GPHN: variants seen among roughly 807,000 people sequenced by gnomAD.
The protein encoded by GPHN is gephyrin.
In GPHN, 17 loss-of-function variants were observed where a neutral mutation model predicts 95.5. That is an observed-to-expected ratio of 0.18 (90% CI 0.12 to 0.27). The LOEUF (loss-of-function observed/expected upper bound fraction) is 0.27, where lower values mean the gene tolerates loss of function less well. GPHN is among the 10% of genes least tolerant of loss of function. GPHN has a pLI of 1.00. For missense variants in GPHN, 660 were observed against 978.1 expected (o/e 0.67, Z 4.34); for synonymous variants, 320 against 322.5 (o/e 0.99, Z 0.08).
chr14:67,261,641 A>G, the GPHN span, among the ~76,000 whole-genome samples: 1 of 152,142 alleles, frequency 6.6e-6, no homozygotes, highest in Admixed American at 6.6e-5. Context: ...AGAGAATAAA[A>G]TTTTTTATAT....
the GPHN span, among the ~76,000 whole-genome samples, chr14:67,569,483 C>T: frequency 1.3e-5 from 2 of 152,240 alleles, no homozygotes; most frequent in African/African-American, 4.8e-5. Flanking sequence ...CAGCCTCCCA[C>T]CTGCACAGGC....
chr14:67,548,705 AAGAG>A, the GPHN span, among the ~76,000 whole-genome samples: 5 of 152,196 alleles, frequency 3.3e-5, no homozygotes, highest in African/African-American at 1.2e-4. Flanking sequence ...CTCAAAAAAA[AAGAG>A]AGAAGAAATA....
rs79836877 is a variant in GPHN at position 66,833,190 on chromosome 14, A to G, written c.294+8624A>G. Among the ~76,000 whole-genome samples the G allele has an allele frequency of 3.1e-3, 471 of 152,290 alleles. 11 individuals carry two copies. The highest frequency in any genetic ancestry group is 0.011 in the African/African-American group (446 of 41,582). On this transcript the variant is annotated intron_variant, in intron 4 of 22. Coordinates refer to ENST00000478722, the MANE Select transcript of GPHN (RefSeq NM_020806.5). ...GACTCACAGTTCAGCAGGGTGTGGT[A>G]GGCCTTAGGAAACTTACAATCATGG...
intron 8 of GPHN, among the ~76,000 whole-genome samples, chr14:66,961,389 C>A (rs1479899500): frequency 6.6e-6 from 1 of 151,588 alleles, no homozygotes; most frequent in African/African-American, 2.4e-5. Context: ...AAACCACTAA[C>A]CATAAAGGAA....
At chr14:67,686,032 T>C in the GPHN span, 1 of 152,224 alleles carries the variant, frequency 6.6e-6, no homozygotes, top group Non-Finnish European at 1.5e-5. Flanking sequence ...CATTAAATGT[T>C]GGAGTTCTCG....
chr14:67,582,101 C>T, the GPHN span: 14 of 1,612,648 alleles, frequency 8.7e-6, no homozygotes, highest in South Asian at 2.2e-5. This position sits in a 1 kb window ranked among gnomAD's most constrained non-coding sequence, Gnocchi z 5.0. Context: ...AAAGGGGAGA[C>T]GGACCGAGAA....
intron 2 of GPHN, among the ~76,000 whole-genome samples, chr14:66,775,990 A>G (rs2059367547): frequency 6.6e-6 from 1 of 152,210 alleles, no homozygotes. Flanking sequence ...ACACTAATGC[A>G]AGATGTTAAT....
the GPHN span, chr14:67,200,158 C>A: frequency 8.6e-7 from 1 of 1,159,958 alleles, no homozygotes; most frequent in Non-Finnish European, 1.2e-6. Context: ...TCACCCAGGT[C>A]CTATGCCTCC....
chr14:67,134,738 C>T (rs2079937405), intron 17 of GPHN, among the ~76,000 whole-genome samples: 1 of 151,766 alleles, frequency 6.6e-6, no homozygotes, highest in African/African-American at 2.4e-5. Flanking sequence ...ACATCAAATC[C>T]CGTTTTGACA....
the GPHN span, among the ~76,000 whole-genome samples, chr14:67,435,265 C>G: frequency 6.6e-6 from 1 of 152,160 alleles, no homozygotes; most frequent in East Asian, 1.9e-4. Flanking sequence ...TCACGCCCAG[C>G]CTTTTCCTCT....
the GPHN span, among the ~76,000 whole-genome samples, chr14:67,522,128 G>C: frequency 1.3e-5 from 2 of 152,172 alleles, no homozygotes; most frequent in African/African-American, 4.8e-5. Context: ...AGCTGAGATC[G>C]TGCCACTGCA....
At chr14:67,123,513 AC>A (rs879557198) in intron 17 of GPHN, among the ~76,000 whole-genome samples, 8 of 152,248 alleles carry the variant, frequency 5.3e-5, no homozygotes, top group Middle Eastern at 6.8e-3. Flanking sequence ...CATCTCTACT[AC>A]AAAATAGAAA....
chr14:67,701,573 G>A, the GPHN span, among the ~76,000 whole-genome samples: 695 of 151,726 alleles, frequency 4.6e-3, 5 homozygotes, highest in African/African-American at 0.011. Context: ...ACAGGCATGC[G>A]CCACCATACC....
intron 21 of GPHN, among the ~76,000 whole-genome samples, chr14:67,171,386 G>A (rs1230998308): frequency 6.7e-6 from 1 of 149,954 alleles, no homozygotes; most frequent in African/African-American, 2.5e-5. Flanking sequence ...AAAAAAAAAA[G>A]AAAAAGAAAA....
the GPHN span, among the ~76,000 whole-genome samples, chr14:67,523,271 C>T: frequency 6.6e-6 from 1 of 151,004 alleles, no homozygotes; most frequent in East Asian, 1.9e-4. Flanking sequence ...TTGCAGTGAG[C>T]CAAGATGGCA....
the GPHN span, chr14:67,445,984 T>C: frequency 4.1e-6 from 2 of 493,436 alleles, no homozygotes; most frequent in African/African-American, 3.9e-5. Context: ...TAAGAAACAG[T>C]TCAAAAAATA....
chr14:67,672,859 GCCCTA>G, the GPHN span, among the ~76,000 whole-genome samples: 1 of 152,136 alleles, frequency 6.6e-6, no homozygotes, highest in African/African-American at 2.4e-5. Flanking sequence ...GGTCCACAAG[GCCCTA>G]CATGATCTGG....
chr14:66,646,200 G>T (rs1368494522), intron 1 of GPHN, among the ~76,000 whole-genome samples: 1 of 152,100 alleles, frequency 6.6e-6, no homozygotes, highest in Non-Finnish European at 1.5e-5. Flanking sequence ...TATTTGAAAA[G>T]ATGCTCAACA....
the GPHN span, chr14:67,515,407 C>CCGGCGGCGGCGGCGGCGGCGGCGGCGG: frequency 1.7e-5 from 3 of 176,278 alleles, no homozygotes; most frequent in East Asian, 1.7e-4. Context: ...AAAGGAGCCC[C>CCGGCGGCGGCGGCGGCGGCGGCGGCGG]CGGCGGCGGC....
Sources: gnomAD v4.1 joint callset for allele counts (sites outside exome capture counted in the v4.1 genomes callset) on GRCh38, gnomAD v4.1.1 for gene constraint, Gnocchi (gnomAD v3.1) non-coding constraint, MANE v1.5 for transcripts, NCBI Gene and HGNC (gene_info 2026-07-23, HGNC 2026-07-21) for gene names.